ADAMTSL1: variants seen among roughly 807,000 people sequenced by gnomAD.
ADAMTSL1 encodes ADAMTS like 1.
Under a neutral mutation model 201.8 loss-of-function variants are expected in ADAMTSL1, and 126 were observed. That is an observed-to-expected ratio of 0.62 (90% CI 0.54 to 0.72). The LOEUF (loss-of-function observed/expected upper bound fraction) is 0.72. Among genes scored for constraint, ADAMTSL1 ranks in the 30% least tolerant of loss-of-function variants. ADAMTSL1 has a pLI of 0.00. For synonymous variants in ADAMTSL1, 1,121 were observed against 903.4 expected, an observed-to-expected ratio of 1.24 and a Z score of -4.32; for missense variants, 2,679 against 2,277.8, an observed-to-expected ratio of 1.18 and a Z score of -3.59.
chr9:18,794,133 G>A (rs944491718), intron 19 of ADAMTSL1, among the ~76,000 whole-genome samples: 19 of 152,060 alleles, frequency 1.2e-4, no homozygotes, highest in African/African-American at 4.6e-4. Flanking sequence ...ACTCTACAGA[G>A]AGTCCCCTGT....
Position 18,218,255 on chromosome 9 carries a change from G to T in ADAMTSL1, c.207+54274G>T, listed in dbSNP as rs201976691. On this transcript the variant is annotated intron_variant, in intron 2 of 29. Transcript: ENST00000680146. ...AACTGTATAGAAAATGCAGCAAGAG[G>T]TCCTACAAAATATCAGTACCTTTTA... 5.2e-4 allele frequency among the ~76,000 whole-genome samples: 79 copies of T among 152,204 alleles called. 1 individual carries two copies. The East Asian group carries it at 0.013, about 24-fold the overall frequency.
chr9:18,660,754 C>G (rs1231075737), intron 8 of ADAMTSL1, among the ~76,000 whole-genome samples: 3 of 152,024 alleles, frequency 2.0e-5, no homozygotes, highest in Non-Finnish European at 4.4e-5. Flanking sequence ...GTGTTCTTAT[C>G]CATTGCTTTC....
At chr9:18,849,662 A>G (rs1055855505) in intron 23 of ADAMTSL1, among the ~76,000 whole-genome samples, 4 of 152,206 alleles carry the variant, frequency 2.6e-5, no homozygotes, top group Non-Finnish European at 5.9e-5. Context: ...GGGAAAGGGA[A>G]GGACTCATGT....
At chr9:18,395,861 A>C (rs990346436) in intron 2 of ADAMTSL1, among the ~76,000 whole-genome samples, 6 of 152,212 alleles carry the variant, frequency 3.9e-5, no homozygotes, top group Non-Finnish European at 8.8e-5. Context: ...ATTTACAAAT[A>C]TGTCATTTTT....
chr9:18,731,549 T>C (rs1290090529), intron 15 of ADAMTSL1, among the ~76,000 whole-genome samples: 1 of 152,102 alleles, frequency 6.6e-6, no homozygotes, highest in Non-Finnish European at 1.5e-5. Flanking sequence ...GAGGATCACT[T>C]GAGCTCAGGA....
intron 1 of ADAMTSL1, among the ~76,000 whole-genome samples, chr9:17,974,777 G>A (rs543042789): frequency 6.6e-5 from 10 of 152,110 alleles, no homozygotes; most frequent in African/African-American, 1.7e-4. Context: ...TAATGCACTC[G>A]TCTGTTGAAC....
intron 23 of ADAMTSL1, among the ~76,000 whole-genome samples, chr9:18,853,587 G>A (rs891960334): frequency 3.3e-5 from 5 of 152,174 alleles, no homozygotes; most frequent in South Asian, 2.1e-4. Context: ...TAACCTTGTG[G>A]TGGTCTTTCA....
At chr9:17,915,164 T>C (rs1321229293) in intron 1 of ADAMTSL1, among the ~76,000 whole-genome samples, 2 of 152,180 alleles carry the variant, frequency 1.3e-5, no homozygotes, top group Non-Finnish European at 2.9e-5. Flanking sequence ...CATTACCCTT[T>C]GCAATGTCTT....
chr9:18,832,808 T>A (rs541390222), intron 23 of ADAMTSL1, among the ~76,000 whole-genome samples: 54 of 152,324 alleles, frequency 3.5e-4, no homozygotes, highest in African/African-American at 1.2e-3. Context: ...AGCCACTGTA[T>A]GTTTCCTCTA....
intron 1 of ADAMTSL1, among the ~76,000 whole-genome samples, chr9:18,038,271 T>C (rs1259922592): frequency 2.6e-5 from 4 of 152,162 alleles, no homozygotes; most frequent in African/African-American, 9.7e-5. Context: ...CATTTCCAAG[T>C]GGCATTTTTG....
At chr9:18,388,517 G>C (rs999705509) in intron 2 of ADAMTSL1, among the ~76,000 whole-genome samples, 3 of 151,922 alleles carry the variant, frequency 2.0e-5, no homozygotes, top group Non-Finnish European at 4.4e-5. Flanking sequence ...CAAGTGTTCT[G>C]CCTGCCTTTG....
At chr9:18,494,076 T>C (rs1341551846) in intron 1 of ADAMTSL1, among the ~76,000 whole-genome samples, 1 of 152,130 alleles carries the variant, frequency 6.6e-6, no homozygotes, top group African/African-American at 2.4e-5. Flanking sequence ...ACACACAGGA[T>C]GGCTGGGTGG....
intron 1 of ADAMTSL1, among the ~76,000 whole-genome samples, chr9:18,107,830 G>C (rs1824824527): frequency 6.6e-6 from 1 of 152,104 alleles, no homozygotes; most frequent in Admixed American, 6.6e-5. Context: ...AGATTAGAAA[G>C]TTACGCCAGG....
intron 2 of ADAMTSL1, among the ~76,000 whole-genome samples, chr9:18,331,377 C>G (rs913942810): frequency 6.6e-6 from 1 of 152,196 alleles, no homozygotes; most frequent in Non-Finnish European, 1.5e-5. Flanking sequence ...TCTATCCCCA[C>G]TGTGTTGGCC....
At chr9:18,283,075 G>T (rs1157661609) in intron 2 of ADAMTSL1, among the ~76,000 whole-genome samples, 1 of 152,086 alleles carries the variant, frequency 6.6e-6, no homozygotes, top group African/African-American at 2.4e-5. Flanking sequence ...TTTTTGATGT[G>T]TCTATTTTCT....
chr9:18,384,182 G>T (rs1446895189), intron 2 of ADAMTSL1, among the ~76,000 whole-genome samples: 1 of 152,062 alleles, frequency 6.6e-6, no homozygotes, highest in Non-Finnish European at 1.5e-5. Flanking sequence ...TAGCTGGGGA[G>T]GCCTTAGGAA....
chr9:18,162,700 A>T (rs765455147), intron 1 of ADAMTSL1, among the ~76,000 whole-genome samples: 1 of 152,052 alleles, frequency 6.6e-6, no homozygotes, highest in East Asian at 1.9e-4. Flanking sequence ...ATAAATTAAT[A>T]TAAACATCCA....
intron 1 of ADAMTSL1, among the ~76,000 whole-genome samples, chr9:18,496,012 A>G (rs1822517142): frequency 6.6e-6 from 1 of 152,250 alleles, no homozygotes; most frequent in Non-Finnish European, 1.5e-5. Context: ...TTTCTTCAAA[A>G]TGACATTCTT....
intron 1 of ADAMTSL1, among the ~76,000 whole-genome samples, chr9:17,938,068 G>A (rs1827087127): frequency 6.6e-6 from 1 of 152,040 alleles, no homozygotes; most frequent in Non-Finnish European, 1.5e-5. Flanking sequence ...AAAAACCAAG[G>A]GAAAATATGC....
Sources: allele counts gnomAD v4.1 joint callset (sites outside exome capture counted in the v4.1 genomes callset), GRCh38; gene constraint gnomAD v4.1.1; transcripts MANE v1.5; gene names NCBI Gene and HGNC (gene_info 2026-07-23, HGNC 2026-07-21).